Variants in ZNF776 observed in about 807,000 individuals in gnomAD.
ZNF776 encodes zinc finger protein 776.
ZNF776 carries 4 observed loss-of-function variants against 7.0 expected under a neutral mutation model. That is an observed-to-expected ratio of 0.57 (90% CI 0.28 to 1.31). The LOEUF is 1.31. Ranked by LOEUF, ZNF776 falls within the 50% of genes most tolerant of loss-of-function variation. The pLI is 0.10. For missense variants in ZNF776, 555 were observed against 625.9 expected (o/e 0.89, Z 1.21); for synonymous variants, 212 against 213.7 (o/e 0.99, Z 0.07).
Position 57,746,879 on chromosome 19 carries a change from T to C in ZNF776, c.-180T>C, listed in dbSNP as rs1400606181. The C allele has an allele frequency of 5.3e-6, 3 of 567,136 alleles. No individual in the cohort carries two copies. In the African/African-American group the frequency reaches 5.6e-5, roughly 11 times the overall value. The allele number at this position is 567,136 out of a possible 1,614,324, so 35.1% of individuals were successfully genotyped here. A position where few individuals can be genotyped will look rare whatever the true frequency, so the allele number is the denominator to read the frequency against. On this transcript the variant is annotated 5_prime_UTR_variant, in exon 1 of 3. Coordinates refer to ENST00000317178, the MANE Select transcript of ZNF776 (RefSeq NM_173632.4). ...AGAGACCGCGGAGTGTTGGGTCGTG[T>C]AGAAGTGACTGAACCCAGAAGGTGG...
chr19:57,757,996 G>C lies in ZNF776; in HGVS notation c.*3309G>C, dbSNP rs1413427621. On this transcript the variant is annotated 3_prime_UTR_variant, in exon 3 of 3. Coordinates refer to ENST00000317178, the MANE Select transcript of ZNF776 (RefSeq NM_173632.4). ...TTCACATAGCAGGGATGCATATTTT[G>C]ACATTCATCAATCATGATATATGAG... is the stretch of plus-strand genomic sequence containing the variant. 2 of 151,666 alleles carry C rather than the reference G, an allele frequency of 1.3e-5. No homozygotes were observed. Among genetic ancestry groups the C allele is most frequent in the Non-Finnish European group, 2.9e-5 (2 of 67,918 alleles). 9.4% of individuals were successfully genotyped at this position (151,666 alleles called of 1,614,324 possible).
At chr19:57,747,764 G>A (rs1986480456) in intron 1 of ZNF776, among the ~76,000 whole-genome samples, 1 of 152,020 alleles carries the variant, frequency 6.6e-6, no homozygotes, top group African/African-American at 2.4e-5. Context: ...CCGCAGGGAA[G>A]CGGAGGGTGT....
intron 1 of ZNF776, among the ~76,000 whole-genome samples, chr19:57,750,367 G>C (rs952595141): frequency 2.0e-5 from 3 of 151,936 alleles, no homozygotes; most frequent in African/African-American, 7.2e-5. Flanking sequence ...AGTAGACAGA[G>C]GTTGCAGAGA....
In ZNF776 at chr19:57,753,575, A is replaced by C; in HGVS notation, c.445A>C (p.Thr149Pro). The change falls in exon 3 of 3, where the codon ACA becomes CCA. Residue 149 changes from threonine (T) to proline (P), a missense_variant. Coordinates refer to ENST00000317178, the MANE Select transcript of ZNF776 (RefSeq NM_173632.4). ...ATCGTACAGAAGCAATGCCAAGGGA[A>C]CATCTTTTGTAAAGAACTGTAAATT... is the stretch of plus-strand genomic sequence containing the variant. Reference protein sequence around the residue: ...EKSYRSNAKGTSFVKNCKFHM... With the variant: ...EKSYRSNAKGPSFVKNCKFHM... 1.2e-6 allele frequency: 2 copies of C among 1,614,262 alleles called. No individual in the cohort carries two copies. The highest frequency in any genetic ancestry group is 2.2e-5 in the South Asian group (2 of 91,090).
chr19:57,751,879 T>TTTTC (rs1986619285), intron 2 of ZNF776, among the ~76,000 whole-genome samples: 1 of 114,142 alleles, frequency 8.8e-6, no homozygotes, highest in East Asian at 2.4e-4. Flanking sequence ...TTTTTTTTTT[T>TTTTC]TTTTTTTTTT....
chr19:57,750,055 G>A (rs190037835), intron 1 of ZNF776, among the ~76,000 whole-genome samples: 2 of 152,192 alleles, frequency 1.3e-5, no homozygotes, highest in Admixed American at 1.3e-4. Context: ...TTTAACTTGT[G>A]GGGAGGCAGA....
At position 57,756,832 on chromosome 19, in the gene ZNF776, G is replaced by A. The variant is rs1471820567; in HGVS notation, c.*2145G>A. On this transcript the variant is annotated 3_prime_UTR_variant, in exon 3 of 3. Coordinates refer to ENST00000317178, the MANE Select transcript of ZNF776 (RefSeq NM_173632.4). ...GGATAGTGTCCTACGTTATAAGCCT[G>A]GAGAAAGAAATCATAATTCTTTAAT... The A allele has an allele frequency of 2.2e-6, 1 of 454,048 alleles. No homozygotes were observed. The highest frequency in any genetic ancestry group is 1.6e-5 in the South Asian group (1 of 64,076). 28.1% of individuals were successfully genotyped at this position (454,048 alleles called of 1,614,324 possible).
intron 2 of ZNF776, among the ~76,000 whole-genome samples, chr19:57,751,602 G>A (rs1228205988): frequency 3.3e-5 from 5 of 151,852 alleles, no homozygotes; most frequent in Admixed American, 6.6e-5. Flanking sequence ...CCAACCTCAC[G>A]TGATCCTCCC....
chr19:57,749,949 G>T (rs1986552233), intron 1 of ZNF776, among the ~76,000 whole-genome samples: 1 of 152,170 alleles, frequency 6.6e-6, no homozygotes, highest in Non-Finnish European at 1.5e-5. Flanking sequence ...TATAGCACCT[G>T]TCTAGTGTTT....
At chr19:57,751,019 T>A (rs1986587592) in intron 2 of ZNF776, 108 bp downstream of exon 2, 2 of 1,314,986 alleles carry the variant, frequency 1.5e-6, no homozygotes, top group African/African-American at 3.0e-5. Flanking sequence ...TGGGCACAGG[T>A]TCCTCTGTTA....
At chr19:57,750,974 C>T in intron 2 of ZNF776, 63 bp downstream of exon 2, 1 of 1,524,290 alleles carries the variant, frequency 6.6e-7, no homozygotes, top group Non-Finnish European at 8.8e-7. Flanking sequence ...ATCTTTTTTC[C>T]CCATGGCAAG....
Position 57,747,027 on chromosome 19 carries a change from T to TCCTTTCGACCCCGCTTTCCCCA in ZNF776, c.-29_-8dup. 1 of 1,563,498 alleles carries TCCTTTCGACCCCGCTTTCCCCA rather than the reference T, an allele frequency of 6.4e-7. No individual in the cohort carries two copies. Among genetic ancestry groups the TCCTTTCGACCCCGCTTTCCCCA allele is most frequent in the Non-Finnish European group, 8.7e-7 (1 of 1,153,360 alleles). ...CCGGGTACCTGCACTGCTCGCCCCC[T>TCCTTTCGACCCCGCTTTCCCCA]CCTTTCGACCCCGCTTTCCCCACCC... On this transcript the variant is annotated 5_prime_UTR_variant, in exon 1 of 3. Coordinates refer to ENST00000317178, the MANE Select transcript of ZNF776 (RefSeq NM_173632.4).
rs1986804400 is a variant in ZNF776, at chr19:57,757,274, T to G, written c.*2587T>G. The stretch of plus-strand genomic sequence containing the variant: ...GTGATGGACAAGCAGGTACAGAAAT[T>G]TTCAGGACCTCCATAATTATGAATC... On this transcript the variant is annotated 3_prime_UTR_variant, in exon 3 of 3. Transcript: ENST00000317178. 6.5e-6 allele frequency: 1 copy of G among 153,878 alleles called. No homozygotes were observed. Among genetic ancestry groups the G allele is most frequent in the Admixed American group, 6.5e-5 (1 of 15,414 alleles). 9.5% of individuals were successfully genotyped at this position (153,878 alleles called of 1,614,324 possible).
intron 1 of ZNF776, among the ~76,000 whole-genome samples, chr19:57,748,819 T>G (rs1986518466): frequency 6.6e-6 from 1 of 152,146 alleles, no homozygotes; most frequent in Non-Finnish European, 1.5e-5. Context: ...GCCAGAGTGG[T>G]ACTTATTCAC....
In ZNF776 at chr19:57,754,151, G is replaced by C. The variant is rs1487099844; in HGVS notation, c.1021G>C (p.Val341Leu). 7.4e-6 allele frequency: 12 copies of C among 1,614,030 alleles called. No individual in the cohort carries two copies. The highest frequency in any genetic ancestry group is 1.0e-5 in the Non-Finnish European group (12 of 1,179,994). ...GCGCAGCCTTGTTCACCACCAGCGA[G>C]TTCACACTGGAGAAAGACCTTATCA... ...HKRSLVHHQRVHTGERPYQCG... is the reference protein window; with the variant it reads ...HKRSLVHHQRLHTGERPYQCG... Residue 341 changes from valine to leucine, a missense_variant, in exon 3 of 3, where the codon GTT becomes CTT. Coordinates refer to ENST00000317178, the MANE Select transcript of ZNF776 (RefSeq NM_173632.4).
At chr19:57,748,474 A>T (rs978819948) in intron 1 of ZNF776, among the ~76,000 whole-genome samples, 5 of 152,156 alleles carry the variant, frequency 3.3e-5, no homozygotes, top group African/African-American at 1.2e-4. Context: ...CTGGAAAGGG[A>T]TTGACACTGG....
At position 57,753,639 on chromosome 19, in the gene ZNF776, G is replaced by C. The variant is rs772781781; in HGVS notation, c.509G>C (p.Gly170Ala). 23 of 1,613,940 alleles carry C rather than the reference G, an allele frequency of 1.4e-5. No homozygotes were observed. The highest frequency in any genetic ancestry group is 1.9e-5 in the Non-Finnish European group (22 of 1,180,032). ...SHEPFIFHEVGKDFLSSLRLL... is the reference protein window; with the variant it reads ...SHEPFIFHEVAKDFLSSLRLL... ...GAGCCATTTATCTTTCATGAGGTTG[G>C]GAAAGACTTTTTGTCCAGCTTGAGA... The change falls in exon 3 of 3, where the codon GGG becomes GCG. Residue 170 changes from glycine (G) to alanine (A), a missense_variant. By Grantham distance (60) the Gly-to-Ala change is moderately conservative. Coordinates refer to ENST00000317178, the MANE Select transcript of ZNF776 (RefSeq NM_173632.4).
chr19:57,750,875 G>A lies in ZNF776; in HGVS notation c.124G>A (p.Val42Met), dbSNP rs1324083177. 5 of 1,612,750 alleles carry A rather than the reference G, an allele frequency of 3.1e-6. No individual in the cohort carries two copies. Among genetic ancestry groups the A allele is most frequent in the Non-Finnish European group, 4.2e-6 (5 of 1,179,178 alleles). ...GGCTCAGAGATGCCTTTATCATGAC[G>A]TGATGCTGGAGAACCTGACACTTAT... ...SEAQRCLYHD[V>M]MLENLTLISS... Residue 42 changes from valine (V) to methionine (M), a missense_variant, in exon 2 of 3, where the codon GTG (valine) becomes ATG (methionine). Transcript: ENST00000317178.
rs768825787 is a variant in ZNF776 at position 57,751,868 on chromosome 19, G to GTTTTTTTTTTTT, written c.160+968_160+979dup. ...TTTGTTCATTTGTATTTTTGGTTTT[G>GTTTTTTTTTTTT]TTTTTTTTTTTTTTTTTTTTTTGAG... On this transcript the variant is annotated intron_variant, in intron 2 of 2. Coordinates refer to ENST00000317178, the MANE Select transcript of ZNF776 (RefSeq NM_173632.4). 5.9e-4 allele frequency among the ~76,000 whole-genome samples: 40 copies of GTTTTTTTTTTTT among 67,530 alleles called. 2 individuals carry two copies. The highest frequency in any genetic ancestry group is 1.5e-3 in the East Asian group (3 of 2,054). The allele number at this position is 67,530 out of a possible 152,430, so 44.3% of individuals were successfully genotyped here.
Sources: allele counts gnomAD v4.1 joint callset (sites outside exome capture counted in the v4.1 genomes callset), GRCh38; gene constraint gnomAD v4.1.1; transcripts MANE v1.5; gene names NCBI Gene and HGNC (gene_info 2026-07-23, HGNC 2026-07-21).